Variants in DCAF6 observed in about 807,000 individuals in gnomAD.
DCAF6 encodes DDB1 and CUL4 associated factor 6, also known as DDB1- and CUL4-associated factor 6.
In DCAF6, 54 loss-of-function variants were observed where a neutral mutation model predicts 125.1. The observed-to-expected ratio is 0.43, with a 90% confidence interval of 0.35 to 0.54. DCAF6 has a LOEUF of 0.54. DCAF6 is among the 20% of genes least tolerant of loss of function. DCAF6 has a pLI of 0.01. For missense variants in DCAF6, 934 were observed against 1,161.7 expected (o/e 0.80, Z 2.85); for synonymous variants, 371 against 390.4 (o/e 0.95, Z 0.58).
At chr1:167,918,312 C>A in the DCAF6 span, 1 of 1,564,190 alleles carries the variant, frequency 6.4e-7, no homozygotes, top group South Asian at 1.1e-5. Flanking sequence ...TTCAGGTGAT[C>A]AGGAACTCTT....
rs766775427 is a variant in DCAF6, at chr1:168,054,328, T to C, written c.2300+3395T>C. On this transcript the variant is annotated intron_variant, in intron 17 of 21. Coordinates refer to ENST00000367840, the MANE Select transcript of DCAF6 (RefSeq NM_001198956.2). ...TCCCGAGCTGGCACAGGAAATCACA[T>C]GATGAGAAGGCTAAGCTCAGGCTTC... is the stretch of plus-strand genomic sequence containing the variant. Among the ~76,000 whole-genome samples the C allele has an allele frequency of 2.8e-4, 43 of 152,280 alleles. 1 individual carries two copies. Among genetic ancestry groups the C allele is most frequent in the Middle Eastern group, 3.4e-3 (1 of 294 alleles).
rs1343294195 is a variant in DCAF6, at chr1:168,056,176, C to T, written c.2300+5243C>T. 3 of 1,607,328 alleles carry T rather than the reference C, an allele frequency of 1.9e-6. No homozygotes were observed. The East Asian group carries it at 6.7e-5, about 36-fold the overall frequency. ...CCAACTTCAGGGAGACTACAATAAACAACATCTCCCAACGCTTCCTGTGCA... is the reference window on the plus strand; with the variant it reads ...CCAACTTCAGGGAGACTACAATAAATAACATCTCCCAACGCTTCCTGTGCA... On this transcript the variant is annotated intron_variant, in intron 17 of 21. Coordinates refer to ENST00000367840, the MANE Select transcript of DCAF6 (RefSeq NM_001198956.2).
the DCAF6 span, among the ~76,000 whole-genome samples, chr1:167,913,403 A>G: frequency 6.6e-6 from 1 of 152,200 alleles, no homozygotes; most frequent in East Asian, 1.9e-4. Flanking sequence ...TCACGAGTCC[A>G]AAGAGGGAGA....
the DCAF6 span, chr1:167,899,479 G>A: frequency 3.1e-6 from 5 of 1,614,096 alleles, no homozygotes; most frequent in Admixed American, 1.7e-5. Context: ...CGGTCACAGA[G>A]CTGCCAGCAG....
chr1:168,004,335 A>G (rs997015118), intron 9 of DCAF6, among the ~76,000 whole-genome samples, 198 bp from the exon 10 acceptor site: 4 of 152,162 alleles, frequency 2.6e-5, no homozygotes, highest in African/African-American at 9.7e-5. Flanking sequence ...TGCTTTAACA[A>G]GAATATGTTG....
the DCAF6 span, among the ~76,000 whole-genome samples, chr1:167,905,754 G>A: frequency 1.3e-5 from 2 of 152,150 alleles, no homozygotes; most frequent in Non-Finnish European, 2.9e-5. Flanking sequence ...GTGTGTGTGT[G>A]TGTGTGTGGC....
At chr1:167,863,620 G>C in the DCAF6 span, among the ~76,000 whole-genome samples, 1 of 152,196 alleles carries the variant, frequency 6.6e-6, no homozygotes, top group Non-Finnish European at 1.5e-5. Flanking sequence ...AGATGGTCGA[G>C]GCAGCTCCTT....
At chr1:167,883,750 A>G in the DCAF6 span, 1,210 of 862,872 alleles carry the variant, frequency 1.4e-3, 13 homozygotes, top group African/African-American at 0.018. Flanking sequence ...GTGAGGTACA[A>G]CATGACAGAG....
rs1557902328 is a variant in DCAF6, at chr1:167,966,626, T to C, written c.160-3T>C. ...TTATATTTCTTTTTTGCTTTCTCTT[T>C]AGGTTAATACAATCTGTTGGAATGA... On this transcript the variant is annotated splice_region_variant and splice_polypyrimidine_tract_variant and intron_variant, in intron 2 of 21. Transcript: ENST00000367840. 34 of 1,570,724 alleles carry C rather than the reference T, an allele frequency of 2.2e-5. No homozygotes were observed. Among genetic ancestry groups the C allele is most frequent in the Non-Finnish European group, 2.9e-5 (33 of 1,145,456 alleles).
chr1:167,864,846 G>A, the DCAF6 span, among the ~76,000 whole-genome samples: 4 of 149,866 alleles, frequency 2.7e-5, no homozygotes, highest in Non-Finnish European at 4.4e-5. Flanking sequence ...AGTAACCCAC[G>A]GATGGCCCAG....
At chr1:168,037,828 C>CCT (rs1392012031) in intron 12 of DCAF6, among the ~76,000 whole-genome samples, 1 of 152,012 alleles carries the variant, frequency 6.6e-6, no homozygotes, top group African/African-American at 2.4e-5. Context: ...TAAATACCAC[C>CCT]CTCTTCTCCA....
intron 2 of DCAF6, among the ~76,000 whole-genome samples, chr1:167,963,771 C>G (rs892366837): frequency 6.7e-6 from 1 of 150,284 alleles, no homozygotes; most frequent in Non-Finnish European, 1.5e-5. Context: ...TTTTTTTTTT[C>G]TCCTTCCTTA....
At chr1:168,031,885 T>C (rs1306662102) in intron 12 of DCAF6, among the ~76,000 whole-genome samples, 1 of 152,180 alleles carries the variant, frequency 6.6e-6, no homozygotes, top group Non-Finnish European at 1.5e-5. Context: ...AATAGAGGTA[T>C]ATAAAACTAC....
intron 1 of DCAF6, among the ~76,000 whole-genome samples, chr1:167,949,394 C>G (rs1337408006): frequency 6.6e-6 from 1 of 152,158 alleles, no homozygotes; most frequent in African/African-American, 2.4e-5. Flanking sequence ...TATTTGCACC[C>G]AACACTGGAG....
rs1341588425 is a variant in DCAF6, at chr1:168,075,497, T to G, written c.*62T>G. ...TTTGTATAAGACATTTATTATATTT[T>G]TTTCTTTACAGAGCTTTAGTGCAAT... is the stretch of plus-strand genomic sequence containing the variant. On this transcript the variant is annotated 3_prime_UTR_variant, in exon 22 of 22. Coordinates refer to ENST00000367840, the MANE Select transcript of DCAF6 (RefSeq NM_001198956.2). 1.4e-6 allele frequency: 2 copies of G among 1,443,836 alleles called. No homozygotes were observed. Among genetic ancestry groups the G allele is most frequent in the Non-Finnish European group, 1.9e-6 (2 of 1,078,388 alleles). 89.4% of individuals were successfully genotyped at this position (1,443,836 alleles called of 1,614,324 possible).
At chr1:167,985,286 T>G (rs1332013290) in intron 4 of DCAF6, among the ~76,000 whole-genome samples, 2 of 152,096 alleles carry the variant, frequency 1.3e-5, no homozygotes, top group Non-Finnish European at 2.9e-5. Flanking sequence ...TATCTTACTG[T>G]TCTGGAAGTC....
At chr1:167,932,034 A>G (rs1459145375), upstream of DCAF6, among the ~76,000 whole-genome samples, 1 of 152,198 alleles carries the variant, frequency 6.6e-6, no homozygotes, top group Non-Finnish European at 1.5e-5. Context: ...CACTGCAACA[A>G]GTTTCACAGA....
At chr1:168,004,892 T>A in intron 10 of DCAF6, 99 bp downstream of exon 10, 3 of 1,308,562 alleles carry the variant, frequency 2.3e-6, no homozygotes, top group Non-Finnish European at 3.1e-6. Context: ...AACTTCTTGT[T>A]GGAATAAATG....
At chr1:168,004,406 GTTA>G (rs1195801638) in intron 9 of DCAF6, 124 bp from the exon 10 acceptor site, 7 of 1,075,268 alleles carry the variant, frequency 6.5e-6, no homozygotes, top group Admixed American at 2.3e-5. Context: ...ATCACCAGTA[GTTA>G]TTATCACTGA....
Sources: gnomAD v4.1 joint callset for allele counts (sites outside exome capture counted in the v4.1 genomes callset) on GRCh38, gnomAD v4.1.1 for gene constraint, MANE v1.5 for transcripts, NCBI Gene and HGNC (gene_info 2026-07-23, HGNC 2026-07-21) for gene names.